Variants in LRP1B observed in about 807,000 individuals in gnomAD.
The protein encoded by LRP1B is low-density lipoprotein receptor-related protein 1B.
Under a neutral mutation model 556.6 loss-of-function variants are expected in LRP1B, and 217 were observed. The ratio of observed to expected loss-of-function variants is 0.39; its 90% confidence interval spans 0.35 to 0.44. The LOEUF is 0.44. Among genes scored for constraint, LRP1B ranks in the 20% least tolerant of loss-of-function variants. The pLI is 1.00. For synonymous variants in LRP1B, 2,047 were observed against 1,865.8 expected, an observed-to-expected ratio of 1.10 and a Z score of -2.50; for missense variants, 5,053 against 5,620.8, an observed-to-expected ratio of 0.90 and a Z score of 3.23.
intron 7 of LRP1B, among the ~76,000 whole-genome samples, chr2:141,097,240 C>G (rs941704185): frequency 4.6e-5 from 7 of 152,092 alleles, no homozygotes; most frequent in African/African-American, 1.7e-4. Flanking sequence ...GTAATTTATG[C>G]TCACTCAGAA....
At chr2:141,140,091 G>C (rs529551172) in intron 7 of LRP1B, among the ~76,000 whole-genome samples, 2 of 151,998 alleles carry the variant, frequency 1.3e-5, no homozygotes, top group African/African-American at 4.8e-5. Flanking sequence ...CCAGGCGAAA[G>C]AGTGTGTGCT....
At chr2:140,592,569 C>T (rs1185943053) in intron 43 of LRP1B, among the ~76,000 whole-genome samples, 1 of 151,870 alleles carries the variant, frequency 6.6e-6, no homozygotes, top group Non-Finnish European at 1.5e-5. Flanking sequence ...GGCATCAAAA[C>T]TTATTCTGTA....
chr2:141,864,707 C>T (rs1211869308), intron 1 of LRP1B, among the ~76,000 whole-genome samples: 1 of 152,106 alleles, frequency 6.6e-6, no homozygotes, highest in African/African-American at 2.4e-5. Context: ...TGGTGAAACC[C>T]CGTCTCTACT....
intron 2 of LRP1B, among the ~76,000 whole-genome samples, chr2:141,663,369 A>G (rs939828480): frequency 3.3e-5 from 5 of 151,774 alleles, no homozygotes; most frequent in Non-Finnish European, 5.9e-5. Flanking sequence ...AGACACAGAA[A>G]ACCCTTAAAA....
chr2:140,580,262 G>A (rs1163500883), intron 43 of LRP1B, among the ~76,000 whole-genome samples: 1 of 152,130 alleles, frequency 6.6e-6, no homozygotes, highest in African/African-American at 2.4e-5. Flanking sequence ...GCAAGGTCTG[G>A]AAATATTAAA....
At chr2:141,723,745 A>G (rs1220880641) in intron 2 of LRP1B, among the ~76,000 whole-genome samples, 2 of 151,864 alleles carry the variant, frequency 1.3e-5, no homozygotes, top group East Asian at 1.9e-4. Context: ...TGTAGATAAA[A>G]CTGCATTTTT....
intron 80 of LRP1B, among the ~76,000 whole-genome samples, chr2:140,325,161 CAGGCAGAGAAAAAGTATG>C (rs990871630): frequency 2.6e-5 from 4 of 151,730 alleles, no homozygotes; most frequent in African/African-American, 9.7e-5. Flanking sequence ...CTGAGACAGC[CAGGCAGAGAAAAAGTATG>C]AGGAAGAGAA....
intron 32 of LRP1B, among the ~76,000 whole-genome samples, chr2:140,786,145 C>T (rs1296661710): frequency 1.3e-5 from 2 of 152,192 alleles, no homozygotes; most frequent in Non-Finnish European, 2.9e-5. Context: ...AAAGGCCATC[C>T]ATGATTAGAT....
chr2:140,793,748 A>G (rs1359409548), intron 32 of LRP1B, among the ~76,000 whole-genome samples: 1 of 152,010 alleles, frequency 6.6e-6, no homozygotes, highest in East Asian at 1.9e-4. Context: ...TTCAATAATC[A>G]TTTACCAAAA....
chr2:141,974,502 G>A (rs1217869272), intron 1 of LRP1B, among the ~76,000 whole-genome samples: 2 of 151,938 alleles, frequency 1.3e-5, no homozygotes, highest in East Asian at 1.9e-4. Context: ...TAAACAGTAC[G>A]GGTTCTGATT....
intron 2 of LRP1B, among the ~76,000 whole-genome samples, chr2:141,510,154 T>C (rs1684069504): frequency 6.7e-6 from 1 of 148,828 alleles, no homozygotes; most frequent in African/African-American, 2.5e-5. Context: ...GAAAATTGCT[T>C]CATTAAAAAC....
At chr2:140,840,136 C>G (rs1304628421) in intron 30 of LRP1B, 51 bp from the exon 31 acceptor site, 1 of 1,022,182 alleles carries the variant, frequency 9.8e-7, no homozygotes, top group Non-Finnish European at 1.5e-6. Flanking sequence ...GACCTACTCA[C>G]TGAGAAGAAA....
intron 2 of LRP1B, among the ~76,000 whole-genome samples, chr2:141,725,102 T>G (rs966625726): frequency 6.6e-6 from 1 of 151,926 alleles, no homozygotes; most frequent in Non-Finnish European, 1.5e-5. Context: ...ACATAGTTCA[T>G]TCCTAAGTTA....
At chr2:141,314,389 T>A (rs1447958475) in intron 3 of LRP1B, among the ~76,000 whole-genome samples, 2 of 152,336 alleles carry the variant, frequency 1.3e-5, no homozygotes, top group East Asian at 3.9e-4. Flanking sequence ...TTGTTTAAGA[T>A]GTGTAATTTA....
At chr2:141,834,770 C>A (rs896690668) in intron 1 of LRP1B, among the ~76,000 whole-genome samples, 1 of 151,786 alleles carries the variant, frequency 6.6e-6, no homozygotes, top group East Asian at 1.9e-4. Context: ...GAAAACTTTT[C>A]AGTGACTACG....
intron 3 of LRP1B, among the ~76,000 whole-genome samples, chr2:141,395,409 T>C (rs907500845): frequency 4.6e-5 from 7 of 152,278 alleles, no homozygotes; most frequent in Admixed American, 4.6e-4. Context: ...GGTAAAGTAA[T>C]ATGTTATACA....
chr2:141,482,331 G>A (rs1559096725), intron 2 of LRP1B, among the ~76,000 whole-genome samples: 1 of 152,044 alleles, frequency 6.6e-6, no homozygotes, highest in Non-Finnish European at 1.5e-5. Context: ...TTCACTAGCT[G>A]AATTGTTTAA....
chr2:141,657,835 T>C (rs899068244), intron 2 of LRP1B, among the ~76,000 whole-genome samples: 16 of 152,208 alleles, frequency 1.1e-4, no homozygotes, highest in African/African-American at 3.9e-4. Context: ...AATCTTTTGT[T>C]AAGTAAAACA....
In LRP1B at chr2:140,234,156, A is replaced by G. The variant is rs1012744624; in HGVS notation, c.13659+630T>C. ...AATCTTTGAGCCATGCAATTGAGACAAACATGATAGAAAATGAGGATGAAA... is the reference window on the plus strand; with the variant it reads ...AATCTTTGAGCCATGCAATTGAGACGAACATGATAGAAAATGAGGATGAAA... On this transcript the variant is annotated intron_variant, in intron 90 of 90. Coordinates refer to ENST00000389484, the MANE Select transcript of LRP1B (RefSeq NM_018557.3). Among the ~76,000 whole-genome samples the G allele has an allele frequency of 4.6e-5, 7 of 151,446 alleles. No individual in the cohort carries two copies. In the East Asian group the frequency reaches 1.4e-3, roughly 30 times the overall value.
Sources: allele counts gnomAD v4.1 joint callset (sites outside exome capture counted in the v4.1 genomes callset), GRCh38; gene constraint gnomAD v4.1.1; transcripts MANE v1.5; gene names NCBI Gene and HGNC (gene_info 2026-07-23, HGNC 2026-07-21).